Variants in WDR7 observed in about 807,000 individuals in gnomAD.
WDR7 encodes WD repeat-containing protein 7.
Under a neutral mutation model 169.4 loss-of-function variants are expected in WDR7, and 46 were observed. The ratio of observed to expected loss-of-function variants is 0.27; its 90% confidence interval spans 0.21 to 0.35. The LOEUF is 0.35. Ranked by LOEUF, WDR7 falls within the 10% of genes least tolerant of loss-of-function variation. The probability of loss-of-function intolerance (pLI) is 1.00; values close to 1 mark genes in which losing one functional copy is unlikely to be tolerated. For missense variants in WDR7, 1,534 were observed against 1,859.3 expected, an observed-to-expected ratio of 0.83 and a Z score of 3.22; for synonymous variants, 612 against 666.8, an observed-to-expected ratio of 0.92 and a Z score of 1.27.
Position 56,694,610 on chromosome 18 carries a change from T to C in WDR7, c.967-9T>C, listed in dbSNP as rs1340574668. 2.5e-6 allele frequency: 4 copies of C among 1,602,688 alleles called. No homozygotes were observed. In the Admixed American group the frequency reaches 5.1e-5, roughly 20 times the overall value. ...ACAGCTAAAGATATTCAAATACTTT[T>C]TTTGGCAGTTGCTAATTTGTCCTCC... On this transcript the variant is annotated splice_polypyrimidine_tract_variant and intron_variant, in intron 9 of 27. Transcript: ENST00000254442.
intron 19 of WDR7, among the ~76,000 whole-genome samples, chr18:56,784,917 GTT>G (rs201040305): frequency 6.9e-6 from 1 of 144,060 alleles, no homozygotes. Flanking sequence ...TATTGTTGTT[GTT>G]TTTTTTTTTG....
At chr18:56,868,888 G>A (rs537091433) in intron 20 of WDR7, among the ~76,000 whole-genome samples, 1 of 152,204 alleles carries the variant, frequency 6.6e-6, no homozygotes, top group South Asian at 2.1e-4. Flanking sequence ...TGATTACTTA[G>A]CTGCCTTAGA....
intron 7 of WDR7, among the ~76,000 whole-genome samples, chr18:56,690,200 T>A (rs2025534327): frequency 6.6e-6 from 1 of 152,196 alleles, no homozygotes; most frequent in African/African-American, 2.4e-5. Flanking sequence ...TTTGAGCAAT[T>A]GATCAAATCT....
rs140605771 is a variant in WDR7, at chr18:56,666,446, C to A, written c.-19-6051C>A. Among the ~76,000 whole-genome samples the A allele has an allele frequency of 4.0e-3, 606 of 152,162 alleles. 10 individuals are homozygous for A. Among genetic ancestry groups the A allele is most frequent in the African/African-American group, 0.014 (578 of 41,522 alleles). The stretch of plus-strand genomic sequence containing the variant: ...CAAACTCCCAACCTCAGGTGATCCA[C>A]CCACTTTGGCCTCCCAAAGTGCTGG... On this transcript the variant is annotated intron_variant, in intron 1 of 27. Coordinates refer to ENST00000254442, the MANE Select transcript of WDR7 (RefSeq NM_015285.3).
At chr18:56,762,725 G>A (rs1405061510) in intron 16 of WDR7, among the ~76,000 whole-genome samples, 1 of 151,756 alleles carries the variant, frequency 6.6e-6, no homozygotes, top group East Asian at 1.9e-4. Flanking sequence ...CCTTTCTAGT[G>A]CATATTTTTC....
intron 21 of WDR7, among the ~76,000 whole-genome samples, chr18:56,917,120 C>T (rs2046638861): frequency 6.6e-6 from 1 of 151,996 alleles, no homozygotes; most frequent in Non-Finnish European, 1.5e-5. Context: ...TCACTTGAAC[C>T]CGGGAGACAG....
chr18:56,988,916 TTA>T (rs2145851547), intron 26 of WDR7, among the ~76,000 whole-genome samples: 1 of 152,212 alleles, frequency 6.6e-6, no homozygotes, highest in East Asian at 1.9e-4. Flanking sequence ...TGTAAATTGA[TTA>T]TATTTCAGGG....
At chr18:56,943,982 GTTTTT>G (rs397858369) in intron 25 of WDR7, among the ~76,000 whole-genome samples, 16 of 78,756 alleles carry the variant, frequency 2.0e-4, no homozygotes, top group African/African-American at 8.1e-4. Context: ...TGTTTTGTGG[GTTTTT>G]TTTTTTTTTT....
intron 8 of WDR7, 76 bp from the exon 9 acceptor site, chr18:56,691,639 C>T: frequency 7.8e-7 from 1 of 1,281,756 alleles, no homozygotes; most frequent in South Asian, 1.6e-5. Flanking sequence ...CCAATACCAA[C>T]AAACCTTGTC....
At chr18:57,032,900 C>T (rs923305451), downstream of WDR7, 19 of 145,192 alleles carry the variant, frequency 1.3e-4, no homozygotes, top group Non-Finnish European at 1.7e-4. Context: ...TGAATCATCC[C>T]GAAAACATCC....
intron 22 of WDR7, among the ~76,000 whole-genome samples, chr18:56,929,008 G>A (rs1568271792): frequency 6.6e-6 from 1 of 152,100 alleles, no homozygotes; most frequent in East Asian, 1.9e-4. Context: ...TTTTCAGCTG[G>A]ACATGATGGT....
intron 25 of WDR7, among the ~76,000 whole-genome samples, chr18:56,959,573 A>T (rs141772504): frequency 6.6e-6 from 1 of 152,258 alleles, no homozygotes; most frequent in Non-Finnish European, 1.5e-5. Context: ...TGCCTAAGTG[A>T]CATGTTATCA....
At chr18:56,867,842 T>C (rs1364627223) in intron 20 of WDR7, among the ~76,000 whole-genome samples, 1 of 152,122 alleles carries the variant, frequency 6.6e-6, no homozygotes, top group African/African-American at 2.4e-5. Context: ...CAGTCTGATA[T>C]TTGCAACAGA....
intron 19 of WDR7, among the ~76,000 whole-genome samples, chr18:56,793,294 A>G (rs190401383): frequency 7.1e-4 from 108 of 152,332 alleles, no homozygotes; most frequent in African/African-American, 2.4e-3. Flanking sequence ...CTGTCATTGT[A>G]TAATATGAGT....
chr18:56,957,728 A>G (rs576325560), intron 25 of WDR7, among the ~76,000 whole-genome samples: 2 of 152,246 alleles, frequency 1.3e-5, no homozygotes, highest in Admixed American at 1.3e-4. Flanking sequence ...TGGGGAAAAA[A>G]AGATAGTTTT....
At chr18:56,730,720 C>G (rs562504970) in intron 13 of WDR7, among the ~76,000 whole-genome samples, 1 of 151,894 alleles carries the variant, frequency 6.6e-6, no homozygotes, top group South Asian at 2.1e-4. Context: ...GAGCCAAGAT[C>G]GCGCCATTGC....
intron 16 of WDR7, among the ~76,000 whole-genome samples, chr18:56,771,776 G>A (rs1340088069): frequency 3.9e-5 from 6 of 151,930 alleles, no homozygotes; most frequent in Non-Finnish European, 8.8e-5. Context: ...CAGCTACTCA[G>A]GAGGCTGAGG....
intron 20 of WDR7, among the ~76,000 whole-genome samples, chr18:56,862,678 T>A (rs2045824908): frequency 1.3e-5 from 2 of 151,906 alleles, no homozygotes. Flanking sequence ...AGGTTATATA[T>A]AATGGCATTG....
chr18:56,864,944 T>G (rs903782159), intron 20 of WDR7, among the ~76,000 whole-genome samples: 1 of 151,980 alleles, frequency 6.6e-6, no homozygotes, highest in Non-Finnish European at 1.5e-5. Flanking sequence ...AAGAGTTGAT[T>G]GTAGCTCTGT....
Sources: gnomAD v4.1 joint callset for allele counts (sites outside exome capture counted in the v4.1 genomes callset) on GRCh38, gnomAD v4.1.1 for gene constraint, MANE v1.5 for transcripts, NCBI Gene and HGNC (gene_info 2026-07-23, HGNC 2026-07-21) for gene names.